S100A13: variants seen among roughly 807,000 people sequenced by gnomAD.
S100A13 encodes the protein protein S100-A13.
A neutral mutation model predicts 8.2 loss-of-function variants in S100A13; 6 were observed. The ratio of observed to expected loss-of-function variants is 0.73; its 90% CI spans 0.40 to 1.44. The LOEUF is 1.44. Among genes scored for constraint, S100A13 ranks in the 40% most tolerant of loss-of-function variants. The pLI is 0.02. For synonymous variants in S100A13, 39 were observed against 45.9 expected (o/e 0.85, Z 0.61); for missense variants, 114 against 113.6 (o/e 1.00, Z -0.02).
upstream of S100A13, chr1:153,631,599 C>A: frequency 6.2e-7 from 1 of 1,613,788 alleles, no homozygotes; most frequent in African/African-American, 1.3e-5. Context: ...CAGTTCCTCT[C>A]GCTCATCTTT....
upstream of S100A13, chr1:153,628,772 C>T: frequency 2.0e-6 from 1 of 489,458 alleles, no homozygotes; most frequent in East Asian, 3.3e-5. Flanking sequence ...ACCGCCTGGC[C>T]CTCCCACAGG....
At chr1:153,631,379 T>C, upstream of S100A13, 1 of 1,312,698 alleles carries the variant, frequency 7.6e-7, no homozygotes, top group Non-Finnish European at 1.0e-6. Flanking sequence ...AGAATGGAAA[T>C]AATGAAACAT....
At chr1:153,628,109 T>G (rs892989177), upstream of S100A13, 5 of 1,550,098 alleles carry the variant, frequency 3.2e-6, no homozygotes, top group African/African-American at 4.1e-5. Context: ...CTCAGCAGAA[T>G]TCCCCCCTTA....
At chr1:153,631,309 C>A, upstream of S100A13, 2 of 735,212 alleles carry the variant, frequency 2.7e-6, no homozygotes, top group South Asian at 1.9e-5. Context: ...CTGCTACTTT[C>A]TAGCTGTGGG....
At chr1:153,625,619 A>C (rs1667567590) in intron 2 of S100A13, among the ~76,000 whole-genome samples, 1 of 152,224 alleles carries the variant, frequency 6.6e-6, no homozygotes, top group South Asian at 2.1e-4. Flanking sequence ...CAGTTTCCAT[A>C]TATGTGAAGT....
chr1:153,631,782 G>T, upstream of S100A13: 1 of 1,614,198 alleles, frequency 6.2e-7, no homozygotes, highest in Non-Finnish European at 8.5e-7. Flanking sequence ...CCAGGAGTAT[G>T]TGGTGCTTGT....
At chr1:153,620,739 T>C (rs1261190934) in intron 2 of S100A13, among the ~76,000 whole-genome samples, 1 of 152,106 alleles carries the variant, frequency 6.6e-6, no homozygotes, top group African/African-American at 2.4e-5. Flanking sequence ...AGGATGTGCA[T>C]AGGTTATATG....
upstream of S100A13, chr1:153,628,256 G>A (rs1264383677): frequency 1.3e-6 from 2 of 1,530,252 alleles, no homozygotes; most frequent in African/African-American, 1.4e-5. Flanking sequence ...AAAGGAACGG[G>A]GCAAGCAAGG....
upstream of S100A13, chr1:153,630,132 G>A: frequency 3.0e-6 from 1 of 332,892 alleles, no homozygotes; most frequent in Non-Finnish European, 5.5e-6. Flanking sequence ...TAAAAATAGA[G>A]CCAGAGGAAG....
upstream of S100A13, chr1:153,627,726 C>T (rs1019463448): frequency 1.7e-5 from 4 of 234,540 alleles, no homozygotes; most frequent in South Asian, 2.9e-4. Flanking sequence ...AGATCTCGTT[C>T]GGCAGGGGTC....
upstream of S100A13, chr1:153,633,988 G>T (rs948512705): frequency 6.6e-6 from 1 of 152,330 alleles, no homozygotes; most frequent in Non-Finnish European, 1.5e-5. Flanking sequence ...AATCTTTCCC[G>T]CCCTCTAGTC....
chr1:153,619,348 C>T (rs1464474979), intron 2 of S100A13, among the ~76,000 whole-genome samples: 2 of 152,216 alleles, frequency 1.3e-5, no homozygotes, highest in African/African-American at 2.4e-5. Flanking sequence ...AAGAAATCCA[C>T]ACAATCTTCT....
In S100A13 at chr1:153,618,827, G is replaced by A; in HGVS notation, c.*68C>T. 4 of 1,445,794 alleles carry A rather than the reference G, an allele frequency of 2.8e-6. No homozygotes were observed. Among genetic ancestry groups the A allele is most frequent in the South Asian group, 1.3e-5 (1 of 79,698 alleles). The allele number at this position is 1,445,794 out of a possible 1,614,324, so 89.6% of individuals were successfully genotyped here. ...GTGTTTCAAGGAGGAAGCTTTATTTGGGAAGAGTGCGGTTCTGCTCGGCCC... is the reference window on the plus strand; with the variant it reads ...GTGTTTCAAGGAGGAAGCTTTATTTAGGAAGAGTGCGGTTCTGCTCGGCCC... On this transcript the variant is annotated 3_prime_UTR_variant, in exon 3 of 3. Coordinates refer to ENST00000476133, the MANE Select transcript of S100A13 (RefSeq NM_001024211.2).
At chr1:153,626,753 T>C (rs1667666150) in intron 1 of S100A13, 2 of 358,342 alleles carry the variant, frequency 5.6e-6, no homozygotes, top group Non-Finnish European at 1.0e-5. Flanking sequence ...AACCCCCTCT[T>C]CTGTAGGTCT....
intron 2 of S100A13, 94 bp downstream of exon 2, chr1:153,626,226 G>A: frequency 8.7e-7 from 1 of 1,143,924 alleles, no homozygotes; most frequent in Middle Eastern, 2.0e-4. Flanking sequence ...ACCCTTTCTT[G>A]TGGTCACCTC....
upstream of S100A13, chr1:153,631,824 T>C (rs1557932304): frequency 6.2e-7 from 1 of 1,613,984 alleles, no homozygotes; most frequent in Admixed American, 1.7e-5. Context: ...TAACAATTTC[T>C]TCTGGGAGAA....
upstream of S100A13, chr1:153,631,774 A>C: frequency 6.2e-7 from 1 of 1,614,160 alleles, no homozygotes; most frequent in Non-Finnish European, 8.5e-7. Context: ...GTGGACTTCC[A>C]GGAGTATGTG....
chr1:153,619,144 G>C (rs552935923), intron 2 of S100A13, 106 bp from the exon 3 acceptor site: 2 of 1,028,586 alleles, frequency 1.9e-6, no homozygotes, highest in East Asian at 2.4e-5. Context: ...TTCCCTCAGA[G>C]AGCAGTGGCA....
chr1:153,630,091 C>A, upstream of S100A13: 1 of 224,460 alleles, frequency 4.5e-6, no homozygotes, highest in South Asian at 1.6e-4. Context: ...AACAGCAGAG[C>A]TTGGCTATGC....
Sources: gnomAD v4.1 joint callset for allele counts (sites outside exome capture counted in the v4.1 genomes callset) on GRCh38, gnomAD v4.1.1 for gene constraint, MANE v1.5 for transcripts, NCBI Gene and HGNC (gene_info 2026-07-23, HGNC 2026-07-21) for gene names.